NR2F1-AS1: variants seen among roughly 807,000 people sequenced by gnomAD.
NR2F1-AS1 encodes the protein NR2F1 regulatory antisense RNA 1.
intron 4 of NR2F1-AS1, among the ~76,000 whole-genome samples, chr5:93,486,544 G>C (rs1750721701): frequency 6.6e-6 from 1 of 152,112 alleles, no homozygotes; most frequent in African/African-American, 2.4e-5. Context: ...ACTAAACCAG[G>C]AAGATGTCGA....
chr5:93,529,422 T>C (rs1214124810), intron 4 of NR2F1-AS1, among the ~76,000 whole-genome samples: 1 of 152,262 alleles, frequency 6.6e-6, no homozygotes, highest in East Asian at 1.9e-4. Context: ...GTGAAAAATT[T>C]GGTAATCATC....
At chr5:93,549,729 A>G (rs950017425) in intron 4 of NR2F1-AS1, among the ~76,000 whole-genome samples, 1 of 152,090 alleles carries the variant, frequency 6.6e-6, no homozygotes, top group African/African-American at 2.4e-5. Context: ...TTAATATATC[A>G]ATCACATTAA....
upstream of NR2F1-AS1, chr5:93,584,320 T>G (rs950017315): frequency 2.6e-4 from 38 of 148,974 alleles, no homozygotes; most frequent in East Asian, 4.0e-4. Flanking sequence ...CTCCTCCTCC[T>G]CCGCCGCCGC....
intron 4 of NR2F1-AS1, among the ~76,000 whole-genome samples, chr5:93,505,166 G>A (rs1751160229): frequency 6.6e-6 from 1 of 152,180 alleles, no homozygotes; most frequent in South Asian, 2.1e-4. Flanking sequence ...AAATCCAGTA[G>A]GGCAGTCAAA....
chr5:93,581,735 CCCCT>C (rs1283885929), upstream of NR2F1-AS1, among the ~76,000 whole-genome samples: 6 of 26,778 alleles, frequency 2.2e-4, no homozygotes, highest in African/African-American at 1.3e-3. Context: ...TCTCTCTCTC[CCCCT>C]CTCCCTCTCC....
At chr5:93,551,120 T>C (rs1752218262) in intron 4 of NR2F1-AS1, among the ~76,000 whole-genome samples, 1 of 152,116 alleles carries the variant, frequency 6.6e-6, no homozygotes, top group Non-Finnish European at 1.5e-5. Flanking sequence ...GACCAGAGTA[T>C]ATAATGTCTT....
intron 4 of NR2F1-AS1, among the ~76,000 whole-genome samples, chr5:93,437,040 T>C (rs1161448836): frequency 6.6e-6 from 1 of 152,050 alleles, no homozygotes; most frequent in Non-Finnish European, 1.5e-5. Flanking sequence ...TGTTTTTTCA[T>C]TATAATGTTA....
chr5:93,451,739 C>T (rs1258425065), intron 4 of NR2F1-AS1, among the ~76,000 whole-genome samples: 1 of 152,132 alleles, frequency 6.6e-6, no homozygotes, highest in Non-Finnish European at 1.5e-5. Context: ...TGGTTTTTCC[C>T]TACCACTGAG....
chr5:93,571,084 G>C (rs975834368), intron 1 of NR2F1-AS1: 2 of 152,340 alleles, frequency 1.3e-5, no homozygotes, highest in Non-Finnish European at 2.9e-5. Context: ...TTTCCTGGCC[G>C]CCCTGGGGCC....
chr5:93,487,306 T>C (rs1386742630), intron 4 of NR2F1-AS1, among the ~76,000 whole-genome samples: 1 of 152,194 alleles, frequency 6.6e-6, no homozygotes, highest in African/African-American at 2.4e-5. Context: ...AAAATCAAAT[T>C]GTCTCTGTTT....
intron 2 of NR2F1-AS1, among the ~76,000 whole-genome samples, chr5:93,558,862 G>T (rs1219814607): frequency 6.6e-6 from 1 of 152,184 alleles, no homozygotes; most frequent in African/African-American, 2.4e-5. Flanking sequence ...ACTATGTGAT[G>T]AACACATGTG....
At chr5:93,546,306 TACTC>T (rs1189121455) in intron 4 of NR2F1-AS1, among the ~76,000 whole-genome samples, 2 of 152,160 alleles carry the variant, frequency 1.3e-5, no homozygotes, top group Non-Finnish European at 2.9e-5. Flanking sequence ...GTGCTTCAAA[TACTC>T]AATGAACTCA....
intron 4 of NR2F1-AS1, among the ~76,000 whole-genome samples, chr5:93,520,952 T>C (rs1751488493): frequency 1.3e-5 from 2 of 152,098 alleles, no homozygotes; most frequent in African/African-American, 4.8e-5. Context: ...ATTTTACATG[T>C]TGTATTCCCT....
At chr5:93,491,134 C>T (rs1391951853) in intron 4 of NR2F1-AS1, among the ~76,000 whole-genome samples, 7 of 139,650 alleles carry the variant, frequency 5.0e-5, no homozygotes, top group African/African-American at 1.6e-4. Flanking sequence ...TGGTGGTAGT[C>T]CCGGTAATGG....
At chr5:93,544,035 A>G (rs1470056905) in intron 4 of NR2F1-AS1, 1 of 152,220 alleles carries the variant, frequency 6.6e-6, no homozygotes, top group Non-Finnish European at 1.5e-5. Flanking sequence ...CTGCAAAGCA[A>G]GAAAAGAGAA....
intron 4 of NR2F1-AS1, among the ~76,000 whole-genome samples, chr5:93,470,444 T>C (rs1750342425): frequency 6.6e-6 from 1 of 151,886 alleles, no homozygotes; most frequent in South Asian, 2.1e-4. Flanking sequence ...GTTCTCATCT[T>C]TCTATGTTGG....
chr5:93,492,104 G>T (rs1750863138), intron 4 of NR2F1-AS1, among the ~76,000 whole-genome samples: 1 of 152,058 alleles, frequency 6.6e-6, no homozygotes, highest in Admixed American at 6.5e-5. Context: ...AATCTGACAA[G>T]AAAGCAGAGA....
intron 2 of NR2F1-AS1, among the ~76,000 whole-genome samples, chr5:93,558,684 A>G (rs1015269214): frequency 6.6e-6 from 1 of 152,236 alleles, no homozygotes; most frequent in Non-Finnish European, 1.5e-5. Flanking sequence ...TCTATGGGCT[A>G]TAGAACAGAT....
At chr5:93,436,955 T>C (rs1749445047) in intron 4 of NR2F1-AS1, among the ~76,000 whole-genome samples, 1 of 150,454 alleles carries the variant, frequency 6.6e-6, no homozygotes, top group African/African-American at 2.4e-5. Context: ...CAGTAATACC[T>C]AGCTGATTTT....
Sources: gnomAD v4.1 joint callset for allele counts (sites outside exome capture counted in the v4.1 genomes callset) on GRCh38, gnomAD v4.1.1 for gene constraint, MANE v1.5 for transcripts, NCBI Gene and HGNC (gene_info 2026-07-23, HGNC 2026-07-21) for gene names.